Variants in PAX5 observed in about 807,000 individuals in gnomAD.
The protein encoded by PAX5 is paired box protein Pax-5.
In PAX5, 9 loss-of-function variants were observed where a neutral mutation model predicts 43.7. The ratio of observed to expected loss-of-function variants is 0.21; its 90% CI spans 0.12 to 0.36. The LOEUF is 0.36. Among genes scored for constraint, PAX5 ranks in the 10% least tolerant of loss-of-function variants. The pLI is 1.00. For missense variants in PAX5, 383 were observed against 532.7 expected (o/e 0.72, Z 2.77); for synonymous variants, 228 against 214.3 (o/e 1.06, Z -0.56).
intron 5 of PAX5, among the ~76,000 whole-genome samples, chr9:36,988,453 GAGTTCAAGACC>G (rs2132313835): frequency 6.6e-6 from 1 of 152,224 alleles, no homozygotes; most frequent in South Asian, 2.1e-4. Context: ...TTGAGCCCAA[GAGTTCAAGACC>G]AGCCTAGGCA....
intron 5 of PAX5, among the ~76,000 whole-genome samples, chr9:36,995,862 G>A (rs1021045615): frequency 6.6e-6 from 1 of 152,070 alleles, no homozygotes; most frequent in African/African-American, 2.4e-5. Context: ...CCACCCTGGA[G>A]GCCTCCACCC....
intron 5 of PAX5, among the ~76,000 whole-genome samples, chr9:36,983,722 T>C (rs1836135647): frequency 6.6e-6 from 1 of 152,102 alleles, no homozygotes; most frequent in Non-Finnish European, 1.5e-5. Context: ...GATCCACCCC[T>C]CTCGGCCTCC....
chr9:36,982,900 G>GT (rs138184978), intron 5 of PAX5, among the ~76,000 whole-genome samples: 20,014 of 152,164 alleles, frequency 0.13, 1,539 homozygotes, highest in South Asian at 0.19. Context: ...CATTCCAGTG[G>GT]TTGTCGGTAA....
intron 8 of PAX5, among the ~76,000 whole-genome samples, chr9:36,860,651 T>C (rs1824127406): frequency 1.3e-5 from 2 of 152,182 alleles, no homozygotes; most frequent in Non-Finnish European, 1.5e-5. Context: ...TTAAAGAGTT[T>C]CGCTAGCGTC....
intron 1 of PAX5, among the ~76,000 whole-genome samples, chr9:37,028,216 G>A (rs1840630137): frequency 6.6e-6 from 1 of 152,246 alleles, no homozygotes; most frequent in Admixed American, 6.5e-5. Flanking sequence ...ATCGGAGTGT[G>A]TGCATATCTG....
intron 5 of PAX5, among the ~76,000 whole-genome samples, chr9:36,975,770 T>C (rs1269212994): frequency 6.6e-6 from 1 of 152,208 alleles, no homozygotes; most frequent in East Asian, 1.9e-4. Flanking sequence ...GACAAAATAA[T>C]TTAATGAGAA....
chr9:36,942,351 A>G (rs1832121057), intron 6 of PAX5, among the ~76,000 whole-genome samples: 1 of 152,282 alleles, frequency 6.6e-6, no homozygotes, highest in Non-Finnish European at 1.5e-5. Context: ...AGTTAGGAAG[A>G]GCAAAGAAAA....
chr9:37,034,098 C>CTTTCT lies in PAX5; in HGVS notation c.-68_-67insAGAAA, dbSNP rs1841297179. The CTTTCT allele has an allele frequency of 6.2e-5, 20 of 320,102 alleles. No individual in the cohort carries two copies. The African/African-American group carries it at 7.3e-4, about 12-fold the overall frequency. The allele number at this position is 320,102 out of a possible 1,614,324, so 19.8% of individuals were successfully genotyped here. On this transcript the variant is annotated 5_prime_UTR_variant, in exon 1 of 10. Transcript: ENST00000358127. ...TCCACTTTTTTGTGCCTTTTTTTTTCTTTTTTTTTTTTTTTTTTTTTTTTT... is the reference window on the plus strand; with the variant it reads ...TCCACTTTTTTGTGCCTTTTTTTTTCTTTCTTTTTTTTTTTTTTTTTTTTTTTTTT...
At chr9:36,968,512 G>A (rs1028913703) in intron 5 of PAX5, among the ~76,000 whole-genome samples, 5 of 152,114 alleles carry the variant, frequency 3.3e-5, no homozygotes, top group African/African-American at 4.8e-5. Flanking sequence ...AAGGGCCTTC[G>A]GAGGCAGCTC....
chr9:37,034,201 TGAGCTGAAACTAAACGTTTTAGGTG>T lies in PAX5; in HGVS notation c.-195_-171del. 1 of 592,520 alleles carries T rather than the reference TGAGCTGAAACTAAACGTTTTAGGTG, an allele frequency of 1.7e-6. No homozygotes were observed. The allele number at this position is 592,520 out of a possible 1,614,324, so 36.7% of individuals were successfully genotyped here. A position where few individuals can be genotyped will look rare whatever the true frequency, so the allele number is the denominator to read the frequency against. Reference sequence around the variant, plus strand: ...CCGCCGAGCTGGGGTAGCTGATCACTGAGCTGAAACTAAACGTTTTAGGTGGAAAAAAAGCGTCCGAAGGCACCGT... The same window carrying T: ...CCGCCGAGCTGGGGTAGCTGATCACTGAAAAAAAGCGTCCGAAGGCACCGT... On this transcript the variant is annotated 5_prime_UTR_variant, in exon 1 of 10. Transcript: ENST00000358127.
intron 9 of PAX5, among the ~76,000 whole-genome samples, chr9:36,843,301 C>T (rs927037158): frequency 1.2e-4 from 18 of 152,282 alleles, no homozygotes; most frequent in African/African-American, 2.9e-4. Context: ...TCTCAGGCCA[C>T]GCTGAAGACA....
At chr9:36,901,635 A>G (rs1296286349) in intron 7 of PAX5, among the ~76,000 whole-genome samples, 1 of 152,130 alleles carries the variant, frequency 6.6e-6, no homozygotes, top group Non-Finnish European at 1.5e-5. Flanking sequence ...GTCAGCCGCT[A>G]AAAGGTAGGG....
At chr9:36,896,778 T>C (rs1301757669) in intron 7 of PAX5, among the ~76,000 whole-genome samples, 1 of 151,998 alleles carries the variant, frequency 6.6e-6, no homozygotes, top group Non-Finnish European at 1.5e-5. Flanking sequence ...GAGCCCCAAA[T>C]GGGATCACAG....
At chr9:36,974,364 A>C (rs1361992047) in intron 5 of PAX5, among the ~76,000 whole-genome samples, 1 of 152,120 alleles carries the variant, frequency 6.6e-6, no homozygotes, top group African/African-American at 2.4e-5. Flanking sequence ...CTCACCCCGG[A>C]TAGAGCGCTG....
At chr9:36,913,081 T>G (rs921751297) in intron 7 of PAX5, among the ~76,000 whole-genome samples, 27 of 152,228 alleles carry the variant, frequency 1.8e-4, no homozygotes, top group Admixed American at 1.4e-3. Context: ...TTTCTTTGGC[T>G]GCCAAGTTTT....
intron 5 of PAX5, among the ~76,000 whole-genome samples, chr9:36,991,649 G>A (rs1000133330): frequency 1.4e-4 from 21 of 152,148 alleles, no homozygotes; most frequent in African/African-American, 4.8e-4. Flanking sequence ...CTCCGACCCA[G>A]TTACAAGCAT....
intron 5 of PAX5, among the ~76,000 whole-genome samples, chr9:36,969,154 G>A (rs1042792675): frequency 2.0e-5 from 3 of 151,480 alleles, no homozygotes; most frequent in Non-Finnish European, 4.4e-5. Flanking sequence ...CCTGCCAGCC[G>A]GGCCCAAAAC....
At chr9:36,922,414 G>T (rs994012260) in intron 7 of PAX5, among the ~76,000 whole-genome samples, 1 of 152,178 alleles carries the variant, frequency 6.6e-6, no homozygotes, top group Admixed American at 6.5e-5. Context: ...GTACCCGAGC[G>T]GGCCTCCTGC....
intron 5 of PAX5, among the ~76,000 whole-genome samples, chr9:37,000,410 T>G (rs1837746845): frequency 6.6e-6 from 1 of 152,140 alleles, no homozygotes; most frequent in Admixed American, 6.5e-5. Context: ...CCCCTAAGTC[T>G]TCCTGAGGAT....
Sources: gnomAD v4.1 joint callset for allele counts (sites outside exome capture counted in the v4.1 genomes callset) on GRCh38, gnomAD v4.1.1 for gene constraint, MANE v1.5 for transcripts, NCBI Gene and HGNC (gene_info 2026-07-23, HGNC 2026-07-21) for gene names.